ATG7: variants seen among roughly 807,000 people sequenced by gnomAD.
ATG7 encodes ubiquitin-like modifier-activating enzyme ATG7.
A neutral mutation model predicts 82.4 loss-of-function variants in ATG7; 70 were observed. The observed-to-expected ratio is 0.85, with a 90% CI of 0.70 to 1.04. ATG7 has a LOEUF of 1.04. Among genes scored for constraint, ATG7 ranks in the 50% least tolerant of loss-of-function variants. The probability of loss-of-function intolerance (pLI) is 0.00; values close to 1 mark genes in which losing one functional copy is unlikely to be tolerated. For synonymous variants in ATG7, 287 were observed against 313.0 expected, an observed-to-expected ratio of 0.92 and a Z score of 0.88; for missense variants, 792 against 864.3, an observed-to-expected ratio of 0.92 and a Z score of 1.05.
rs190463904 is a variant in ATG7, at chr3:11,380,112, G to C, written c.1956+60G>C. 1.6e-4 allele frequency: 247 copies of C among 1,514,730 alleles called. 2 individuals are homozygous for C. In the South Asian group the frequency reaches 2.4e-3, roughly 15 times the overall value. 93.8% of individuals were successfully genotyped at this position (1,514,730 alleles called of 1,614,324 possible). A position where few individuals can be genotyped will look rare whatever the true frequency, so the allele number is the denominator to read the frequency against. ...AAAGTGAGCGGGTCAGCATTTGACC[G>C]CAGCCTCACCAGCTGGAGCCCTTGA... On this transcript the variant is annotated intron_variant, in intron 19 of 20. Coordinates refer to ENST00000693202, the MANE Select transcript of ATG7 (RefSeq NM_001349232.2).
intron 1 of ATG7, among the ~76,000 whole-genome samples, chr3:11,279,768 C>G (rs73812422): frequency 0.025 from 3,745 of 152,242 alleles, 157 homozygotes; most frequent in African/African-American, 0.082. Flanking sequence ...ATAGGAAACA[C>G]TGTTGCCTCA....
Position 11,358,575 on chromosome 3 carries a change from G to A in ATG7, c.1442G>A (p.Arg481Gln), listed in dbSNP as rs753893278. ...CTATTGATGGACACCAGGGAGAGCC[G>A]GTGGCTTCCTGCCGTCATTGCTGCA... ...VFLLMDTRESRWLPAVIAASK... is the reference protein window; with the variant it reads ...VFLLMDTRESQWLPAVIAASK... The change falls in exon 15 of 21, where the codon CGG (arginine) becomes CAG (glutamine). Residue 481 changes from arginine (R) to glutamine (Q), a missense_variant. Transcript: ENST00000693202. The A allele has an allele frequency of 5.0e-6, 8 of 1,613,638 alleles. No individual in the cohort carries two copies. Among genetic ancestry groups the A allele is most frequent in the African/African-American group, 2.7e-5 (2 of 74,902 alleles).
At chr3:11,310,449 A>G (rs1341598929) in intron 7 of ATG7, among the ~76,000 whole-genome samples, 1 of 152,148 alleles carries the variant, frequency 6.6e-6, no homozygotes, top group Non-Finnish European at 1.5e-5. Context: ...GCCCAAGGCA[A>G]AGGAGGGTAT....
At chr3:11,278,065 T>TG (rs1181093411) in intron 1 of ATG7, among the ~76,000 whole-genome samples, 2 of 152,340 alleles carry the variant, frequency 1.3e-5, no homozygotes, top group Non-Finnish European at 2.9e-5. Context: ...TCAGACCTTA[T>TG]GGTTGTCTTC....
chr3:11,447,647 G>A (rs911157635), intron 20 of ATG7, among the ~76,000 whole-genome samples: 4 of 152,122 alleles, frequency 2.6e-5, no homozygotes, highest in Admixed American at 2.0e-4. Flanking sequence ...CATATAGCAA[G>A]AAACATGGAC....
At chr3:11,456,314 C>T (rs1010741255) in intron 20 of ATG7, among the ~76,000 whole-genome samples, 37 of 152,186 alleles carry the variant, frequency 2.4e-4, no homozygotes, top group African/African-American at 8.7e-4. Context: ...ATTATCAGAA[C>T]TTCATTCCTT....
At chr3:11,297,215 A>G (rs1162575933) in intron 3 of ATG7, among the ~76,000 whole-genome samples, 1 of 152,136 alleles carries the variant, frequency 6.6e-6, no homozygotes, top group Non-Finnish European at 1.5e-5. Flanking sequence ...AAAATTAGCC[A>G]GTCACGGTAG....
chr3:11,553,108 T>TTTTCATTCTCCA (rs2071980095), intron 20 of ATG7, among the ~76,000 whole-genome samples: 2 of 152,036 alleles, frequency 1.3e-5, no homozygotes, highest in Admixed American at 6.6e-5. Context: ...ATGCTCACCC[T>TTTTCATTCTCCA]TTTCATTCTC....
intron 14 of ATG7, among the ~76,000 whole-genome samples, chr3:11,355,116 G>A (rs760608409): frequency 6.6e-6 from 1 of 152,228 alleles, no homozygotes; most frequent in African/African-American, 2.4e-5. Flanking sequence ...AGCGAGCTGT[G>A]TGTACTCACA....
At chr3:11,395,827 C>T (rs1214786360) in intron 19 of ATG7, among the ~76,000 whole-genome samples, 3 of 151,444 alleles carry the variant, frequency 2.0e-5, no homozygotes, top group Non-Finnish European at 4.4e-5. Context: ...GTAGTCCCAG[C>T]TACTCGGGAG....
intron 18 of ATG7, among the ~76,000 whole-genome samples, chr3:11,371,160 A>G (rs1437556628): frequency 6.6e-6 from 1 of 151,274 alleles, no homozygotes; most frequent in African/African-American, 2.4e-5. Context: ...TCTCTGGGGT[A>G]TCATTTTCCA....
At chr3:11,298,337 CAGAAAGT>C (rs1946270177) in intron 3 of ATG7, among the ~76,000 whole-genome samples, 1 of 152,128 alleles carries the variant, frequency 6.6e-6, no homozygotes, top group African/African-American at 2.4e-5. Flanking sequence ...CCTGTATAGA[CAGAAAGT>C]AGAATGGTGG....
intron 8 of ATG7, 92 bp downstream of exon 8, chr3:11,313,512 T>G: frequency 2.3e-6 from 2 of 860,974 alleles, no homozygotes; most frequent in Non-Finnish European, 3.6e-6. Flanking sequence ...GGCACTTCTC[T>G]GGATGAAGAC....
At chr3:11,374,576 G>A (rs1055264586) in intron 18 of ATG7, among the ~76,000 whole-genome samples, 7 of 152,138 alleles carry the variant, frequency 4.6e-5, no homozygotes, top group Admixed American at 6.6e-5. Flanking sequence ...AAAATGGTAA[G>A]TAGGACTGCA....
intron 5 of ATG7, among the ~76,000 whole-genome samples, chr3:11,299,915 G>C (rs1162512068): frequency 6.7e-6 from 1 of 149,674 alleles, no homozygotes; most frequent in East Asian, 2.0e-4. Context: ...AGTTGCTGGA[G>C]AGAAGAGACA....
Position 11,442,023 on chromosome 3 carries a change from G to A in ATG7, c.2079+15097G>A, listed in dbSNP as rs553163012. Among the ~76,000 whole-genome samples the A allele has an allele frequency of 7.9e-5, 12 of 152,264 alleles. No homozygotes were observed. The South Asian group carries it at 8.3e-4, about 11-fold the overall frequency. ...TCACTATGTTGCCCAGGCTGGTCTT[G>A]AACTCCTGGCCTCAAGCCATTCACC... is the stretch of plus-strand genomic sequence containing the variant. On this transcript the variant is annotated intron_variant, in intron 20 of 20. Coordinates refer to ENST00000693202, the MANE Select transcript of ATG7 (RefSeq NM_001349232.2).
chr3:11,554,358 G>T (rs2072167171), intron 20 of ATG7, among the ~76,000 whole-genome samples: 1 of 152,208 alleles, frequency 6.6e-6, no homozygotes, highest in South Asian at 2.1e-4. Context: ...GGAACATGGA[G>T]CAGGTGCCCA....
chr3:11,573,185 A>G, the ATG7 span, among the ~76,000 whole-genome samples: 115 of 151,580 alleles, frequency 7.6e-4, no homozygotes, highest in African/African-American at 2.7e-3. Context: ...AGACAGACAG[A>G]CAGACAGAAA....
chr3:11,574,787 G>GTGTGTA, the ATG7 span, among the ~76,000 whole-genome samples: 1 of 60,974 alleles, frequency 1.6e-5, no homozygotes, highest in South Asian at 4.3e-4. Flanking sequence ...AACTATATAT[G>GTGTGTA]TGTGTGTGTG....
Sources: gnomAD v4.1 joint callset for allele counts (sites outside exome capture counted in the v4.1 genomes callset) on GRCh38, gnomAD v4.1.1 for gene constraint, MANE v1.5 for transcripts, NCBI Gene and HGNC (gene_info 2026-07-23, HGNC 2026-07-21) for gene names.